The following CACNB2 variants were observed in gnomAD, a reference collection of about 807,000 sequenced individuals.
CACNB2 encodes the protein calcium voltage-gated channel auxiliary subunit beta 2.
A neutral mutation model predicts 73.3 loss-of-function variants in CACNB2; 42 were observed. The observed-to-expected ratio is 0.57, with a 90% CI of 0.45 to 0.74. The LOEUF is 0.74. CACNB2 is among the 30% of genes least tolerant of loss of function. The probability of loss-of-function intolerance (pLI) is 0.00; values close to 1 mark genes in which losing one functional copy is unlikely to be tolerated. For synonymous variants in CACNB2, 348 were observed against 310.3 expected (o/e 1.12, Z -1.28); for missense variants, 940 against 853.0 (o/e 1.10, Z -1.27).
At chr10:18,152,801 G>A (rs753043152) in intron 2 of CACNB2, among the ~76,000 whole-genome samples, 10 of 148,464 alleles carry the variant, frequency 6.7e-5, no homozygotes, top group South Asian at 2.1e-4. Flanking sequence ...ATGCCAAGCC[G>A]CTTGTTGAAA....
chr10:18,353,486 G>A (rs1407721442), intron 2 of CACNB2, among the ~76,000 whole-genome samples: 1 of 152,000 alleles, frequency 6.6e-6, no homozygotes, highest in Non-Finnish European at 1.5e-5. Flanking sequence ...TAAGGACATA[G>A]GCCTTCTCAA....
chr10:18,290,813 C>A (rs1361148540), intron 2 of CACNB2, among the ~76,000 whole-genome samples: 1 of 152,206 alleles, frequency 6.6e-6, no homozygotes, highest in African/African-American at 2.4e-5. Flanking sequence ...CATCAACTCA[C>A]ACTAATCACT....
chr10:18,358,199 G>A (rs976957589), intron 2 of CACNB2, among the ~76,000 whole-genome samples: 1 of 152,192 alleles, frequency 6.6e-6, no homozygotes, highest in African/African-American at 2.4e-5. Context: ...TGATTCTCCT[G>A]CCTCAGGCTC....
chr10:18,486,665 T>G (rs928678576), intron 3 of CACNB2, among the ~76,000 whole-genome samples: 1 of 152,120 alleles, frequency 6.6e-6, no homozygotes, highest in Non-Finnish European at 1.5e-5. Flanking sequence ...GGTCCAGGCA[T>G]CTGTCTCTAG....
chr10:18,442,984 A>G (rs1249212246), intron 3 of CACNB2, among the ~76,000 whole-genome samples: 3 of 19,298 alleles, frequency 1.6e-4, no homozygotes, highest in African/African-American at 5.6e-4. Context: ...ATATATATAT[A>G]TGTATATATA....
intron 9 of CACNB2, among the ~76,000 whole-genome samples, chr10:18,523,419 G>GT (rs2052122919): frequency 6.6e-6 from 1 of 152,196 alleles, no homozygotes; most frequent in South Asian, 2.1e-4. Context: ...ATGTTCGAGT[G>GT]TATCAGCCAC....
chr10:18,407,109 C>CTTTTTTTTTTTTTTTTTTTT lies in CACNB2; in HGVS notation c.333+5078_333+5097dup, dbSNP rs71507267. Among the ~76,000 whole-genome samples the CTTTTTTTTTTTTTTTTTTTT allele has an allele frequency of 2.2e-3, 77 of 35,618 alleles. 28 individuals carry two copies. The highest frequency in any genetic ancestry group is 3.5e-3 in the East Asian group (4 of 1,152). 23.4% of individuals were successfully genotyped at this position (35,618 alleles called of 152,430 possible). On this transcript the variant is annotated intron_variant, in intron 3 of 13. Coordinates refer to ENST00000324631, the MANE Select transcript of CACNB2 (RefSeq NM_201596.3). Reference sequence around the variant, plus strand: ...CTAAAGTCCAGACCTGCTGTTCTGTCTTTTTTTTTTTTTTTTTTTTTTTTT... The same window carrying CTTTTTTTTTTTTTTTTTTTT: ...CTAAAGTCCAGACCTGCTGTTCTGTCTTTTTTTTTTTTTTTTTTTTTTTTTTTTTTTTTTTTTTTTTTTTT...
At chr10:18,435,696 C>T (rs142974662) in intron 3 of CACNB2, among the ~76,000 whole-genome samples, 1 of 151,932 alleles carries the variant, frequency 6.6e-6, no homozygotes, top group East Asian at 1.9e-4. Flanking sequence ...GATGGGGTTT[C>T]GCCATGTTGC....
chr10:18,475,158 G>A (rs909920839), intron 3 of CACNB2, among the ~76,000 whole-genome samples: 1 of 151,522 alleles, frequency 6.6e-6, no homozygotes, highest in Non-Finnish European at 1.5e-5. Context: ...ATCTAGGTAC[G>A]CCACCCTTCC....
chr10:18,338,738 CTTTT>C (rs553402190), intron 2 of CACNB2, among the ~76,000 whole-genome samples: 3 of 102,446 alleles, frequency 2.9e-5, no homozygotes, highest in Admixed American at 1.2e-4. Flanking sequence ...TCCTTCTTTC[CTTTT>C]TTTTTTTTTT....
intron 2 of CACNB2, among the ~76,000 whole-genome samples, chr10:18,276,109 A>G (rs906885921): frequency 1.3e-5 from 2 of 152,244 alleles, no homozygotes; most frequent in African/African-American, 2.4e-5. Context: ...TCTCTGTACC[A>G]TGCAACAATT....
rs530651692 is a variant in CACNB2 at position 18,154,486 on chromosome 10, G to C, written c.213+3511G>C. Among the ~76,000 whole-genome samples, 10 of 150,820 alleles carry C rather than the reference G, an allele frequency of 6.6e-5. No homozygotes were observed. In the South Asian group the frequency reaches 2.1e-3, roughly 32 times the overall value. On this transcript the variant is annotated intron_variant, in intron 2 of 13. Coordinates refer to ENST00000324631, the MANE Select transcript of CACNB2 (RefSeq NM_201596.3). ...TTTTTTTGTTTTTGTTTTTTGTTTT[G>C]AGGTGGAGTCTCACTCTGTCGCCCA...
chr10:18,147,272 C>G (rs2031080933), intron 1 of CACNB2, among the ~76,000 whole-genome samples: 1 of 151,956 alleles, frequency 6.6e-6, no homozygotes, highest in South Asian at 2.1e-4. Flanking sequence ...TTTTGAATGT[C>G]TTTTTAATAA....
intron 2 of CACNB2, among the ~76,000 whole-genome samples, chr10:18,232,117 T>C (rs2036246722): frequency 6.6e-6 from 1 of 152,240 alleles, no homozygotes. Context: ...CTTTCTGATT[T>C]GTTTTTCTTT....
At chr10:18,367,330 A>T (rs564084255) in intron 2 of CACNB2, among the ~76,000 whole-genome samples, 1 of 152,226 alleles carries the variant, frequency 6.6e-6, no homozygotes, top group East Asian at 1.9e-4. Context: ...TTGTGCTTGA[A>T]CTTGGATTTT....
chr10:18,301,943 A>G (rs1310819560), intron 2 of CACNB2, among the ~76,000 whole-genome samples: 3 of 152,016 alleles, frequency 2.0e-5, no homozygotes, highest in Non-Finnish European at 4.4e-5. Context: ...CACCGCGCCC[A>G]GCCGCCTGTT....
At chr10:18,441,951 T>G (rs951857359) in intron 3 of CACNB2, among the ~76,000 whole-genome samples, 1 of 152,236 alleles carries the variant, frequency 6.6e-6, no homozygotes. Context: ...ACATGTGTGT[T>G]GTATACATAT....
chr10:18,334,714 A>G (rs78417590), intron 2 of CACNB2, among the ~76,000 whole-genome samples: 8,148 of 152,120 alleles, frequency 0.054, 275 homozygotes, highest in African/African-American at 0.094. Context: ...GCAAGCAACA[A>G]TGGCTCCAGA....
chr10:18,294,840 T>A (rs2039211720), intron 2 of CACNB2, among the ~76,000 whole-genome samples: 1 of 152,212 alleles, frequency 6.6e-6, no homozygotes, highest in Non-Finnish European at 1.5e-5. Context: ...TAGTTCTTCA[T>A]GGGGGATTCC....
Sources: gnomAD v4.1 joint callset for allele counts (sites outside exome capture counted in the v4.1 genomes callset) on GRCh38, gnomAD v4.1.1 for gene constraint, MANE v1.5 for transcripts, NCBI Gene and HGNC (gene_info 2026-07-23, HGNC 2026-07-21) for gene names.